Variants in GPM6A observed in about 807,000 individuals in gnomAD.
GPM6A encodes neuronal membrane glycoprotein M6-a.
Under a neutral mutation model 32.1 loss-of-function variants are expected in GPM6A, and 7 were observed. That is an observed-to-expected ratio of 0.22 (90% CI 0.12 to 0.41). The LOEUF (loss-of-function observed/expected upper bound fraction) is 0.41, where lower values mean the gene tolerates loss of function less well. Ranked by LOEUF, GPM6A falls within the 10% of genes least tolerant of loss-of-function variation. The pLI is 1.00. For synonymous variants in GPM6A, 130 were observed against 123.4 expected, an observed-to-expected ratio of 1.05 and a Z score of -0.35; for missense variants, 235 against 347.2, an observed-to-expected ratio of 0.68 and a Z score of 2.57.
chr4:175,720,163 T>C (rs1260919572), intron 1 of GPM6A, among the ~76,000 whole-genome samples: 2 of 152,186 alleles, frequency 1.3e-5, no homozygotes, highest in Non-Finnish European at 2.9e-5. Flanking sequence ...AGGCTGAAAA[T>C]AAAGGTTTCC....
chr4:175,863,716 T>C (rs570722518), intron 1 of GPM6A, among the ~76,000 whole-genome samples: 43 of 152,334 alleles, frequency 2.8e-4, no homozygotes, highest in Non-Finnish European at 4.9e-4. Flanking sequence ...AGTTCCATTT[T>C]CTTGGCCAGG....
At chr4:175,898,349 G>A (rs1387927280) in intron 1 of GPM6A, among the ~76,000 whole-genome samples, 1 of 152,118 alleles carries the variant, frequency 6.6e-6, no homozygotes, top group Non-Finnish European at 1.5e-5. Flanking sequence ...ACCTACTTCT[G>A]TTTTTGACCT....
chr4:175,767,612 A>G (rs1733024356), intron 1 of GPM6A, among the ~76,000 whole-genome samples: 1 of 152,198 alleles, frequency 6.6e-6, no homozygotes, highest in Non-Finnish European at 1.5e-5. Context: ...GTAACTACAC[A>G]CCAATTGTGC....
intron 1 of GPM6A, among the ~76,000 whole-genome samples, chr4:175,976,291 T>C (rs1012581225): frequency 1.3e-5 from 2 of 151,288 alleles, no homozygotes; most frequent in African/African-American, 2.4e-5. Flanking sequence ...GCCTCCCAAG[T>C]AGCTGGGCTG....
chr4:175,964,256 C>A (rs922009380), intron 1 of GPM6A, among the ~76,000 whole-genome samples: 2 of 151,456 alleles, frequency 1.3e-5, no homozygotes, highest in Non-Finnish European at 1.5e-5. Context: ...AGACTAAGTG[C>A]ATAAAACTAC....
chr4:175,660,734 C>T (rs959684513), intron 3 of GPM6A, among the ~76,000 whole-genome samples: 2 of 152,050 alleles, frequency 1.3e-5, no homozygotes, highest in Non-Finnish European at 2.9e-5. Flanking sequence ...CTTCTTCTTC[C>T]TCAAATTAAA....
chr4:175,873,315 C>A (rs1460197516), intron 1 of GPM6A, among the ~76,000 whole-genome samples: 2 of 151,356 alleles, frequency 1.3e-5, no homozygotes, highest in Non-Finnish European at 1.5e-5. Flanking sequence ...AAGACAAGTG[C>A]CTTGTGAAAA....
At chr4:175,738,352 T>G (rs1731748218) in intron 1 of GPM6A, among the ~76,000 whole-genome samples, 7 of 152,140 alleles carry the variant, frequency 4.6e-5, no homozygotes, top group Admixed American at 4.6e-4. Flanking sequence ...CACTGCTCAT[T>G]GTGGCCAATC....
intron 3 of GPM6A, among the ~76,000 whole-genome samples, chr4:175,666,820 T>C (rs1420800890): frequency 1.3e-5 from 2 of 152,206 alleles, no homozygotes; most frequent in African/African-American, 2.4e-5. Flanking sequence ...ATTGTTACCT[T>C]GGGAGCCATC....
intron 1 of GPM6A, among the ~76,000 whole-genome samples, chr4:175,715,362 G>C (rs1304738778): frequency 6.6e-6 from 1 of 152,164 alleles, no homozygotes; most frequent in Non-Finnish European, 1.5e-5. Context: ...TGTTCACGCA[G>C]ATGCAGCCAG....
intron 4 of GPM6A, among the ~76,000 whole-genome samples, chr4:175,646,754 C>G (rs776945840): frequency 5.3e-5 from 8 of 152,182 alleles, no homozygotes; most frequent in Admixed American, 2.0e-4. Context: ...CCTCAGGAAA[C>G]TCACCATCAG....
intron 1 of GPM6A, among the ~76,000 whole-genome samples, chr4:175,854,972 T>C (rs932468857): frequency 2.6e-5 from 4 of 152,142 alleles, no homozygotes; most frequent in African/African-American, 9.7e-5. Flanking sequence ...AGTCACAGGG[T>C]AGACATTGAG....
chr4:175,808,595 A>G (rs1734792489), intron 1 of GPM6A: 1 of 152,176 alleles, frequency 6.6e-6, no homozygotes, highest in Non-Finnish European at 1.5e-5. Context: ...ATTTGATCAC[A>G]TTCAGCTTGA....
At chr4:175,712,409 G>T (rs750217377) in intron 1 of GPM6A, among the ~76,000 whole-genome samples, 1 of 152,174 alleles carries the variant, frequency 6.6e-6, no homozygotes, top group African/African-American at 2.4e-5. Flanking sequence ...AAGAGCTAGA[G>T]CAATTGGGGT....
chr4:175,769,708 TTCTG>T (rs1288818687), intron 1 of GPM6A, among the ~76,000 whole-genome samples: 1 of 152,232 alleles, frequency 6.6e-6, no homozygotes, highest in South Asian at 2.1e-4. Flanking sequence ...TCTTATTTCT[TTCTG>T]TCTATGTCTT....
chr4:175,998,714 C>T (rs1741386035), intron 1 of GPM6A, among the ~76,000 whole-genome samples: 1 of 152,218 alleles, frequency 6.6e-6, no homozygotes, highest in Middle Eastern at 3.4e-3. Flanking sequence ...AGACATGTAT[C>T]ATATTCTATT....
intron 1 of GPM6A, among the ~76,000 whole-genome samples, chr4:175,852,091 T>C (rs146712722): frequency 2.6e-5 from 4 of 152,250 alleles, no homozygotes; most frequent in African/African-American, 9.6e-5. Flanking sequence ...ATACTTGGAA[T>C]TGGGGCTTTG....
chr4:175,648,831 G>A (rs1173725410), intron 4 of GPM6A, among the ~76,000 whole-genome samples: 1 of 152,024 alleles, frequency 6.6e-6, no homozygotes, highest in African/African-American at 2.4e-5. Context: ...AAGGATCCTT[G>A]TGATTACACT....
intron 1 of GPM6A, among the ~76,000 whole-genome samples, chr4:175,978,005 A>G (rs1442889653): frequency 3.3e-5 from 5 of 152,250 alleles, no homozygotes; most frequent in African/African-American, 4.8e-5. Context: ...TTTTCCAAAC[A>G]TTTAAAAGTA....
Sources: allele counts gnomAD v4.1 joint callset (sites outside exome capture counted in the v4.1 genomes callset), GRCh38; gene constraint gnomAD v4.1.1; transcripts MANE v1.5; gene names NCBI Gene and HGNC (gene_info 2026-07-23, HGNC 2026-07-21).